KATNIP: variants seen among roughly 807,000 people sequenced by gnomAD.
KATNIP encodes the protein katanin interacting protein, also known as katanin-interacting protein.
Under a neutral mutation model 174.0 loss-of-function variants are expected in KATNIP, and 126 were observed. The observed-to-expected ratio is 0.72, with a 90% CI of 0.63 to 0.84. The LOEUF (loss-of-function observed/expected upper bound fraction) is 0.84. Among genes scored for constraint, KATNIP ranks in the 40% least tolerant of loss-of-function variants. The pLI, the probability that KATNIP is intolerant of heterozygous loss-of-function variation, is 0.00. For missense variants in KATNIP, 1,958 were observed against 2,109.7 expected (o/e 0.93, Z 1.41); for synonymous variants, 810 against 835.7 (o/e 0.97, Z 0.53).
At chr16:27,744,420 C>T (rs545033254) in intron 15 of KATNIP, among the ~76,000 whole-genome samples, 1 of 152,200 alleles carries the variant, frequency 6.6e-6, no homozygotes, top group East Asian at 1.9e-4. Context: ...CCCAGCTATT[C>T]GGGAGGCTGA....
At chr16:27,713,816 A>ATGTGTGTGTGTGTGTGTG (rs1567336870) in intron 13 of KATNIP, among the ~76,000 whole-genome samples, 13 of 28,022 alleles carry the variant, frequency 4.6e-4, no homozygotes, top group Non-Finnish European at 6.1e-4. Context: ...ATACATATAT[A>ATGTGTGTGTGTGTGTGTG]TATATATATA....
chr16:27,778,050 C>T, intron 27 of KATNIP, 81 bp downstream of exon 27: 2 of 1,247,258 alleles, frequency 1.6e-6, no homozygotes, highest in Non-Finnish European at 2.3e-6. Context: ...CCTTGCACCC[C>T]CACCCTCACC....
At chr16:27,770,264 G>A (rs529938826) in intron 21 of KATNIP, among the ~76,000 whole-genome samples, 141 of 152,312 alleles carry the variant, frequency 9.3e-4, no homozygotes, top group African/African-American at 3.1e-3. Context: ...GCTTCATTGC[G>A]TTTCCTGCTG....
intron 3 of KATNIP, 41 bp from the exon 4 acceptor site, chr16:27,628,620 C>T: frequency 1.2e-6 from 2 of 1,605,420 alleles, no homozygotes; most frequent in Non-Finnish European, 8.5e-7. Flanking sequence ...AGCCCAGACT[C>T]TCAAATGATG....
chr16:27,652,205 G>A (rs534615287), intron 6 of KATNIP, among the ~76,000 whole-genome samples: 7 of 152,306 alleles, frequency 4.6e-5, no homozygotes, highest in African/African-American at 1.7e-4. Flanking sequence ...AAATAAAATA[G>A]GAAGGGGATA....
At chr16:27,624,067 G>A (rs1319391093) in intron 3 of KATNIP, among the ~76,000 whole-genome samples, 1 of 152,166 alleles carries the variant, frequency 6.6e-6, no homozygotes, top group Non-Finnish European at 1.5e-5. Flanking sequence ...TTAAAGCTCT[G>A]GCTCAGACAA....
At chr16:27,770,091 TGTACATTCCGAAAGG>T in intron 21 of KATNIP, 73 bp downstream of exon 21, 2 of 1,510,390 alleles carry the variant, frequency 1.3e-6, no homozygotes, top group East Asian at 4.6e-5. Context: ...GTTGCTCTGA[TGTACATTCCGAAAGG>T]GTTTTGAAAC....
At chr16:27,551,386 AC>A (rs1345004815) in intron 1 of KATNIP, among the ~76,000 whole-genome samples, 3 of 152,286 alleles carry the variant, frequency 2.0e-5, no homozygotes, top group South Asian at 2.1e-4. Context: ...CTTTAGAGGT[AC>A]TATAAAATGT....
At chr16:27,570,797 G>A (rs368934092) in intron 1 of KATNIP, among the ~76,000 whole-genome samples, 1 of 151,964 alleles carries the variant, frequency 6.6e-6, no homozygotes, top group East Asian at 1.9e-4. Context: ...AAGATTAGCC[G>A]CTGGAACTTC....
chr16:27,565,386 A>G (rs901379696), intron 1 of KATNIP, among the ~76,000 whole-genome samples: 9 of 151,360 alleles, frequency 5.9e-5, no homozygotes, highest in Admixed American at 5.9e-4. Context: ...GAATCACTTG[A>G]ACCTCGGAGG....
chr16:27,670,981 C>T (rs1168216741), intron 6 of KATNIP, among the ~76,000 whole-genome samples: 2 of 152,080 alleles, frequency 1.3e-5, no homozygotes, highest in Non-Finnish European at 2.9e-5. Context: ...CACCTGAGGT[C>T]AAGAGTTCAA....
chr16:27,723,544 A>G (rs1010761738), intron 14 of KATNIP, among the ~76,000 whole-genome samples: 1 of 151,780 alleles, frequency 6.6e-6, no homozygotes, highest in African/African-American at 2.4e-5. Context: ...ACCAGAATTT[A>G]TGGCTACTTT....
chr16:27,647,668 A>C (rs1380288227), intron 5 of KATNIP, among the ~76,000 whole-genome samples: 4 of 151,786 alleles, frequency 2.6e-5, no homozygotes, highest in Admixed American at 6.6e-5. Context: ...ACCACACCTG[A>C]CTAATTTTGT....
chr16:27,636,390 T>C (rs2076636687), intron 5 of KATNIP, among the ~76,000 whole-genome samples: 1 of 152,222 alleles, frequency 6.6e-6, no homozygotes, highest in Non-Finnish European at 1.5e-5. Flanking sequence ...ATTTCTCTTA[T>C]CTCGTGTTTC....
At chr16:27,656,995 G>A (rs2077316316) in intron 6 of KATNIP, among the ~76,000 whole-genome samples, 1 of 151,960 alleles carries the variant, frequency 6.6e-6, no homozygotes, top group African/African-American at 2.4e-5. Context: ...TCCTAGGGGT[G>A]TGAGGGAGAG....
chr16:27,723,617 C>A (rs927708548), intron 14 of KATNIP, among the ~76,000 whole-genome samples: 1 of 152,076 alleles, frequency 6.6e-6, no homozygotes, highest in Non-Finnish European at 1.5e-5. Context: ...AGGAGAAATA[C>A]GTGGTTGATG....
intron 1 of KATNIP, among the ~76,000 whole-genome samples, chr16:27,553,665 A>T (rs535996558): frequency 4.6e-5 from 7 of 151,974 alleles, no homozygotes; most frequent in Non-Finnish European, 7.4e-5. Context: ...ATAAATAAAT[A>T]AAATAAATAA....
intron 13 of KATNIP, among the ~76,000 whole-genome samples, chr16:27,717,367 A>G (rs1341566807): frequency 3.9e-5 from 6 of 152,186 alleles, no homozygotes; most frequent in African/African-American, 1.4e-4. Flanking sequence ...TTAAAAAGCC[A>G]CCTTTGGTTT....
At chr16:27,613,966 C>T (rs2075970562) in intron 2 of KATNIP, among the ~76,000 whole-genome samples, 1 of 152,138 alleles carries the variant, frequency 6.6e-6, no homozygotes, top group South Asian at 2.1e-4. Context: ...GCCCCAGCTG[C>T]AGTGCAGTGA....
Sources: gnomAD v4.1 joint callset for allele counts (sites outside exome capture counted in the v4.1 genomes callset) on GRCh38, gnomAD v4.1.1 for gene constraint, MANE v1.5 for transcripts, NCBI Gene and HGNC (gene_info 2026-07-23, HGNC 2026-07-21) for gene names.